Variants in TAAR5 observed in about 807,000 individuals in gnomAD.
TAAR5 encodes trace amine-associated receptor 5.
A neutral mutation model predicts 21.1 loss-of-function variants in TAAR5; 27 were observed. That is an observed-to-expected ratio of 1.28 (90% CI 0.94 to 1.76). The LOEUF is 1.76. TAAR5 is among the 40% of genes most tolerant of loss of function. TAAR5 has a pLI of 0.00. For synonymous variants in TAAR5, 203 were observed against 167.5 expected (o/e 1.21, Z -1.64); for missense variants, 495 against 405.6 (o/e 1.22, Z -1.89).
upstream of TAAR5, chr6:132,589,742 CAAAAAAAAAAAAAAAAA>C (rs567338856): frequency 8.9e-3 from 539 of 60,554 alleles, no homozygotes; most frequent in Middle Eastern, 0.02. Context: ...CACTGGAGGG[CAAAAAAAAAAAAAAAAA>C]AAAAAAAAAA....
chr6:132,593,886 A>G (rs556864418), upstream of TAAR5, among the ~76,000 whole-genome samples: 34 of 152,314 alleles, frequency 2.2e-4, no homozygotes, highest in African/African-American at 7.7e-4. Flanking sequence ...GGAAGTAACT[A>G]CAACTGTCTG....
chr6:132,603,382 A>C, the TAAR5 span, among the ~76,000 whole-genome samples: 1 of 150,928 alleles, frequency 6.6e-6, no homozygotes, highest in Non-Finnish European at 1.5e-5. Flanking sequence ...TAGTATTCTT[A>C]TTTAGTACAA....
At chr6:132,593,380 C>G (rs1270562722), upstream of TAAR5, among the ~76,000 whole-genome samples, 1 of 152,224 alleles carries the variant, frequency 6.6e-6, no homozygotes, top group African/African-American at 2.4e-5. Context: ...CAGAGCAACA[C>G]TTGGCACATA....
At chr6:132,599,041 T>C in the TAAR5 span, among the ~76,000 whole-genome samples, 1,449 of 152,290 alleles carry the variant, frequency 9.5e-3, 15 homozygotes, top group Non-Finnish European at 0.017. Context: ...TGATATTCCT[T>C]CATACTGCAG....
At chr6:132,612,464 A>G in the TAAR5 span, among the ~76,000 whole-genome samples, 1 of 152,196 alleles carries the variant, frequency 6.6e-6, no homozygotes, top group Non-Finnish European at 1.5e-5. Flanking sequence ...ATTCTTATAA[A>G]ATAACCCCTC....
At chr6:132,597,047 C>T in the TAAR5 span, among the ~76,000 whole-genome samples, 10 of 152,072 alleles carry the variant, frequency 6.6e-5, no homozygotes, top group Non-Finnish European at 1.0e-4. Context: ...ATTCCCCATA[C>T]AAAATTTTAC....
upstream of TAAR5, among the ~76,000 whole-genome samples, chr6:132,593,043 T>G (rs1251456435): frequency 6.6e-6 from 1 of 152,168 alleles, no homozygotes; most frequent in Non-Finnish European, 1.5e-5. Flanking sequence ...CAAACTTGCT[T>G]CCTCATGCCG....
the TAAR5 span, among the ~76,000 whole-genome samples, chr6:132,600,952 A>G: frequency 0.19 from 2,680 of 14,366 alleles, 3 homozygotes; most frequent in African/African-American, 0.26. Context: ...AGGGAAAGAA[A>G]GAAGGAGGGA....
chr6:132,600,871 GA>G, the TAAR5 span, among the ~76,000 whole-genome samples: 1 of 44,458 alleles, frequency 2.2e-5, no homozygotes, highest in Non-Finnish European at 4.7e-5. Flanking sequence ...GAAGGAAGGA[GA>G]GAGGGAAGGA....
the TAAR5 span, among the ~76,000 whole-genome samples, chr6:132,611,063 T>A: frequency 6.6e-6 from 1 of 152,122 alleles, no homozygotes; most frequent in Non-Finnish European, 1.5e-5. Flanking sequence ...ACATGCCTGA[T>A]CAATATTAGT....
the TAAR5 span, among the ~76,000 whole-genome samples, chr6:132,602,528 C>T: frequency 1.3e-5 from 2 of 152,090 alleles, no homozygotes; most frequent in East Asian, 3.9e-4. Context: ...GTAATGCGAG[C>T]AATGGGGAGC....
the TAAR5 span, among the ~76,000 whole-genome samples, chr6:132,607,478 G>T: frequency 6.6e-6 from 1 of 152,062 alleles, no homozygotes; most frequent in Non-Finnish European, 1.5e-5. Flanking sequence ...TGTTTGGGGG[G>T]TACCCTAAGG....
At chr6:132,599,154 C>T in the TAAR5 span, among the ~76,000 whole-genome samples, 1 of 152,094 alleles carries the variant, frequency 6.6e-6, no homozygotes, top group Non-Finnish European at 1.5e-5. Flanking sequence ...CTCTTCATCA[C>T]CACCACGGTA....
At chr6:132,612,024 T>C in the TAAR5 span, among the ~76,000 whole-genome samples, 1 of 152,350 alleles carries the variant, frequency 6.6e-6, no homozygotes, top group African/African-American at 2.4e-5. Context: ...ATTGAGGATA[T>C]GTTTCTCTCC....
In TAAR5 at chr6:132,589,270, G is replaced by T. The variant is rs752063558; in HGVS notation, c.417C>A (p.Pro139=). Residue 139 remains proline, a synonymous_variant, in exon 1 of 1, where the codon CCC becomes CCA. Coordinates refer to ENST00000258034, the MANE Select transcript of TAAR5 (RefSeq NM_003967.3). ...CTGTGAACTTGGAGGGATAGAGCAG[G>T]GGGTCACAGATGGCACAGTGGCGGT... is the stretch of plus-strand genomic sequence containing the variant. The part of the protein sequence containing the change: ...SIDRHCAICD[P]LLYPSKFTVR... 6.2e-7 allele frequency: 1 copy of T among 1,610,884 alleles called. No individual in the cohort carries two copies. The highest frequency in any genetic ancestry group is 1.7e-5 in the Admixed American group (1 of 59,832).
At chr6:132,594,895 A>C in the TAAR5 span, 1 of 152,240 alleles carries the variant, frequency 6.6e-6, no homozygotes, top group Non-Finnish European at 1.5e-5. Flanking sequence ...GGCTGCAACA[A>C]ACTCTTCTGC....
In TAAR5 at chr6:132,588,988, A is replaced by G; in HGVS notation, c.699T>C (p.Ile233=). The part of the protein sequence containing the change: ...FVVATRQAQQ[I]TTLSKSLAGA... ...CAGCCAGGCTTTTGCTCAATGTGGT[A>G]ATCTGCTGAGCCTGTCTGGTAGCAA... The change falls in exon 1 of 1, where the codon ATT becomes ATC. Residue 233 remains isoleucine (I), a synonymous_variant. Transcript: ENST00000258034. The G allele has an allele frequency of 3.1e-6, 5 of 1,614,008 alleles. No homozygotes were observed. The highest frequency in any genetic ancestry group is 4.2e-6 in the Non-Finnish European group (5 of 1,179,964).
chr6:132,613,510 AAAT>A, the TAAR5 span, among the ~76,000 whole-genome samples: 2 of 152,320 alleles, frequency 1.3e-5, no homozygotes, highest in East Asian at 3.9e-4. Context: ...ACAAATGTTC[AAAT>A]ATTAATAATT....
At position 132,589,711 on chromosome 6, in the gene TAAR5, CT is replaced by C. The variant is rs778926613; in HGVS notation, c.-26del. 4 of 849,746 alleles carry C rather than the reference CT, an allele frequency of 4.7e-6. No individual in the cohort carries two copies. The highest frequency in any genetic ancestry group is 6.2e-6 in the Non-Finnish European group (4 of 641,216). 52.6% of individuals were successfully genotyped at this position (849,746 alleles called of 1,614,324 possible). A position where few individuals can be genotyped will look rare whatever the true frequency, so the allele number is the denominator to read the frequency against. On this transcript the variant is annotated 5_prime_UTR_variant, in exon 1 of 1. Coordinates refer to ENST00000258034, the MANE Select transcript of TAAR5 (RefSeq NM_003967.3). ...TTTATGATTTCTACTCTTCCTCTGT[CT>C]GAGAACTGGCCACCTTCTCCACTGG...
Sources: gnomAD v4.1 joint callset for allele counts (sites outside exome capture counted in the v4.1 genomes callset) on GRCh38, gnomAD v4.1.1 for gene constraint, MANE v1.5 for transcripts, NCBI Gene and HGNC (gene_info 2026-07-23, HGNC 2026-07-21) for gene names.